Variants in DCLK3 observed in about 807,000 individuals in gnomAD.
The protein encoded by DCLK3 is doublecortin like kinase 3, also known as serine/threonine-protein kinase DCLK3.
In DCLK3, 30 loss-of-function variants were observed where a neutral mutation model predicts 46.4. That is an observed-to-expected ratio of 0.65 (90% confidence interval 0.48 to 0.88). The LOEUF is 0.88. Among genes scored for constraint, DCLK3 ranks in the 40% least tolerant of loss-of-function variants. The probability of loss-of-function intolerance (pLI) is 0.00; values close to 1 mark genes in which losing one functional copy is unlikely to be tolerated. For missense variants in DCLK3, 846 were observed against 907.1 expected, an observed-to-expected ratio of 0.93 and a Z score of 0.87; for synonymous variants, 401 against 339.2, an observed-to-expected ratio of 1.18 and a Z score of -2.00.
intron 2 of DCLK3, among the ~76,000 whole-genome samples, chr3:36,723,861 A>G (rs1701092866): frequency 6.6e-6 from 1 of 152,200 alleles, no homozygotes; most frequent in South Asian, 2.1e-4. Flanking sequence ...CGGATCCCCC[A>G]AACAGAGTCC....
At chr3:36,736,099 A>G (rs992365473) in intron 2 of DCLK3, among the ~76,000 whole-genome samples, 1 of 152,188 alleles carries the variant, frequency 6.6e-6, no homozygotes, top group African/African-American at 2.4e-5. Flanking sequence ...AAGTTTACCG[A>G]CTCATTGTCA....
At chr3:36,720,743 G>A (rs1316496123) in intron 3 of DCLK3, among the ~76,000 whole-genome samples, 1 of 152,064 alleles carries the variant, frequency 6.6e-6, no homozygotes, top group Non-Finnish European at 1.5e-5. Flanking sequence ...CTGACCTCAG[G>A]TGATCCACCT....
At chr3:36,724,342 T>C (rs1701099202) in intron 2 of DCLK3, among the ~76,000 whole-genome samples, 1 of 152,200 alleles carries the variant, frequency 6.6e-6, no homozygotes, top group Admixed American at 6.5e-5. Flanking sequence ...TGTGGACTCT[T>C]AAGTTAATGC....
intron 3 of DCLK3, among the ~76,000 whole-genome samples, chr3:36,718,770 T>C (rs1701020213): frequency 6.6e-6 from 1 of 152,196 alleles, no homozygotes; most frequent in South Asian, 2.1e-4. Flanking sequence ...TTTTAAATGA[T>C]TTTTAAAAGA....
At chr3:36,722,968 C>G (rs1158677679) in intron 2 of DCLK3, among the ~76,000 whole-genome samples, 2 of 152,164 alleles carry the variant, frequency 1.3e-5, no homozygotes, top group Admixed American at 1.3e-4. Context: ...GAGACTGGTA[C>G]AGTTTGGAGG....
intron 1 of DCLK3, among the ~76,000 whole-genome samples, chr3:36,759,283 GC>G (rs1452826528): frequency 2.0e-5 from 3 of 152,054 alleles, no homozygotes; most frequent in Non-Finnish European, 4.4e-5. Flanking sequence ...CTATTTCCCA[GC>G]CCCCTGCGCC....
At chr3:36,762,313 G>C (rs1357992661) in intron 1 of DCLK3, among the ~76,000 whole-genome samples, 2 of 152,064 alleles carry the variant, frequency 1.3e-5, no homozygotes, top group Non-Finnish European at 2.9e-5. Flanking sequence ...CAGTGAGAAG[G>C]GTCCATGTTT....
rs1701242085 is a variant in DCLK3 at position 36,734,895 on chromosome 3, G to T, written c.1959+2313C>A. On this transcript the variant is annotated intron_variant, in intron 2 of 4. Transcript: ENST00000636136. The stretch of plus-strand genomic sequence containing the variant: ...ACCACCCTCCATGTGATCTATAACA[G>T]TGCTGACTTTCTCCATCTCAAAAAT... 4.6e-5 allele frequency among the ~76,000 whole-genome samples: 7 copies of T among 152,272 alleles called. No homozygotes were observed. The South Asian group carries it at 1.5e-3, about 32-fold the overall frequency.
At chr3:36,734,876 C>A (rs1171379866) in intron 2 of DCLK3, among the ~76,000 whole-genome samples, 1 of 152,186 alleles carries the variant, frequency 6.6e-6, no homozygotes, top group Non-Finnish European at 1.5e-5. Flanking sequence ...TCAAACCACC[C>A]TCCATGTGAT....
In DCLK3 at chr3:36,715,093, C is replaced by T. The variant is rs1320100887; in HGVS notation, c.*235G>A. Reference sequence around the variant, plus strand: ...TATTACCAAAATTCCTCACTGATGACAATGCTTACCCCCCAAAAATGTATT... The same window carrying T: ...TATTACCAAAATTCCTCACTGATGATAATGCTTACCCCCCAAAAATGTATT... On this transcript the variant is annotated 3_prime_UTR_variant, in exon 5 of 5. Transcript: ENST00000636136. 2.2e-5 allele frequency: 11 copies of T among 500,794 alleles called. No homozygotes were observed. Among genetic ancestry groups the T allele is most frequent in the Admixed American group, 7.7e-5 (2 of 25,988 alleles). The allele number at this position is 500,794 out of a possible 1,614,324, so 31.0% of individuals were successfully genotyped here.
chr3:36,714,005 G>A lies in DCLK3; in HGVS notation c.*1323C>T, dbSNP rs936346409. ...GGAGCTTATTCCCTTCAGTCTTGGA[G>A]GACCTGAGTGGCATACTACAGTGTC... On this transcript the variant is annotated 3_prime_UTR_variant, in exon 5 of 5. Coordinates refer to ENST00000636136, the MANE Select transcript of DCLK3 (RefSeq NM_001394672.2). 2.6e-5 allele frequency: 4 copies of A among 152,192 alleles called. No homozygotes were observed. The East Asian group carries it at 5.8e-4, about 22-fold the overall frequency. The allele number at this position is 152,192 out of a possible 1,614,324, so 9.4% of individuals were successfully genotyped here.
intron 1 of DCLK3, among the ~76,000 whole-genome samples, chr3:36,757,551 C>A (rs1701497076): frequency 1.3e-5 from 2 of 152,094 alleles, no homozygotes; most frequent in Admixed American, 1.3e-4. Flanking sequence ...ACAGAAGCAG[C>A]AAGCACAATA....
At chr3:36,730,606 A>G (rs1453955704) in intron 2 of DCLK3, among the ~76,000 whole-genome samples, 3 of 152,226 alleles carry the variant, frequency 2.0e-5, no homozygotes, top group African/African-American at 7.2e-5. Context: ...GTATCCACTA[A>G]GTACACATGG....
At chr3:36,749,603 G>T (rs1157617868) in intron 1 of DCLK3, among the ~76,000 whole-genome samples, 1 of 152,188 alleles carries the variant, frequency 6.6e-6, no homozygotes. Context: ...TAAACCATCT[G>T]TCAGTGCCTG....
At chr3:36,749,694 C>T (rs1413082612) in intron 1 of DCLK3, among the ~76,000 whole-genome samples, 1 of 152,206 alleles carries the variant, frequency 6.6e-6, no homozygotes, top group Non-Finnish European at 1.5e-5. Flanking sequence ...CTTCCACGAT[C>T]CATTCATCTA....
intron 1 of DCLK3, among the ~76,000 whole-genome samples, chr3:36,743,740 A>G (rs910309359): frequency 1.3e-5 from 2 of 152,082 alleles, no homozygotes; most frequent in Non-Finnish European, 2.9e-5. Flanking sequence ...TAAGCCATCC[A>G]TCTGCTCAAT....
At chr3:36,743,198 T>C (rs942397211) in intron 1 of DCLK3, among the ~76,000 whole-genome samples, 12 of 150,730 alleles carry the variant, frequency 8.0e-5, no homozygotes, top group African/African-American at 1.5e-4. Context: ...GAAATGATCA[T>C]TGGAGCATTT....
At chr3:36,731,265 A>C (rs576663384) in intron 2 of DCLK3, among the ~76,000 whole-genome samples, 2 of 152,112 alleles carry the variant, frequency 1.3e-5, no homozygotes, top group Admixed American at 1.3e-4. Flanking sequence ...TGATCATCTC[A>C]AATTCAACAT....
At chr3:36,721,766 T>A in intron 2 of DCLK3, 107 bp from the exon 3 acceptor site, 12 of 1,340,016 alleles carry the variant, frequency 9.0e-6, no homozygotes, top group Non-Finnish European at 1.1e-5. Context: ...ACCATAAACC[T>A]ATATGAGATT....
Sources: allele counts gnomAD v4.1 joint callset (sites outside exome capture counted in the v4.1 genomes callset), GRCh38; gene constraint gnomAD v4.1.1; transcripts MANE v1.5; gene names NCBI Gene and HGNC (gene_info 2026-07-23, HGNC 2026-07-21).